LRPAP1: variants seen among roughly 807,000 people sequenced by gnomAD.
LRPAP1 encodes LDL receptor related protein associated protein 1.
LRPAP1 carries 41 observed loss-of-function variants against 39.9 expected under a neutral mutation model. That is an observed-to-expected ratio of 1.03 (90% CI 0.80 to 1.33). The LOEUF is 1.33. Ranked by LOEUF, LRPAP1 falls within the 40% of genes most tolerant of loss-of-function variation. The pLI, the probability that LRPAP1 is intolerant of heterozygous loss-of-function variation, is 0.00. For missense variants in LRPAP1, 565 were observed against 482.3 expected (o/e 1.17, Z -1.61); for synonymous variants, 263 against 212.7 (o/e 1.24, Z -2.06).
At chr4:3,528,742 C>T (rs961418455) in intron 1 of LRPAP1, among the ~76,000 whole-genome samples, 37 of 152,200 alleles carry the variant, frequency 2.4e-4, no homozygotes, top group African/African-American at 8.7e-4. Flanking sequence ...CCCAGCCCAG[C>T]CACTGTGCCC....
intron 5 of LRPAP1, chr4:3,517,631 T>C: frequency 6.2e-6 from 1 of 161,660 alleles, no homozygotes; most frequent in Admixed American, 6.4e-5. Context: ...GCGGGCGTCC[T>C]GCCCCTGCCG....
At chr4:3,520,805 T>C (rs1359392398) in intron 2 of LRPAP1, among the ~76,000 whole-genome samples, 1 of 152,228 alleles carries the variant, frequency 6.6e-6, no homozygotes, top group Non-Finnish European at 1.5e-5. Context: ...TAGTCTGCAG[T>C]GTGCTGTGGC....
At chr4:3,530,208 A>T (rs1730207119) in intron 1 of LRPAP1, among the ~76,000 whole-genome samples, 1 of 152,156 alleles carries the variant, frequency 6.6e-6, no homozygotes, top group Admixed American at 6.5e-5. Context: ...GCCACAGCAC[A>T]AAGACCACCC....
chr4:3,519,144 A>C (rs904910478), intron 3 of LRPAP1, among the ~76,000 whole-genome samples, 153 bp from the exon 4 acceptor site: 1 of 152,204 alleles, frequency 6.6e-6, no homozygotes, highest in Non-Finnish European at 1.5e-5. Flanking sequence ...AAAACAAAAA[A>C]CAAACCGGAG....
At position 3,518,120 on chromosome 4, in the gene LRPAP1, G is replaced by A. The variant is rs142076491; in HGVS notation, c.665C>T (p.Thr222Met). 27 of 1,613,474 alleles carry A rather than the reference G, an allele frequency of 1.7e-5. No homozygotes were observed. The highest frequency in any genetic ancestry group is 5.0e-5 in the Admixed American group (3 of 59,996). Residue 222 changes from threonine to methionine, a missense_variant, in exon 5 of 8, where the codon ACG becomes ATG. Thr to Met is a moderately conservative substitution (Grantham distance 81). Transcript: ENST00000650182. The stretch of plus-strand genomic sequence containing the variant: ...GCTGCGCAGCTTCTCCTTCAGCTCC[G>A]TGTGCCTGCTGTGCAGGACGCTGCC... ...IKGSVLHSRH[T>M]ELKEKLRSIN...
intron 3 of LRPAP1, 137 bp downstream of exon 3, chr4:3,519,935 T>A: frequency 3.5e-5 from 34 of 977,080 alleles, no homozygotes; most frequent in Non-Finnish European, 4.8e-5. Flanking sequence ...ATGGCTTCCT[T>A]AGGAAGCCAC....
At chr4:3,516,045 C>A in intron 6 of LRPAP1, 71 bp downstream of exon 6, 2 of 1,442,010 alleles carry the variant, frequency 1.4e-6, no homozygotes. Flanking sequence ...GGCTGCATTT[C>A]CTTACCCGGA....
At position 3,513,914 on chromosome 4, in the gene LRPAP1, G is replaced by A. The variant is rs185636451; in HGVS notation, c.1011+838C>T. ...CTCACCGAAGGTCCCTTCTCTCAGC[G>A]GCCCTGACCTCTGCCCCAACGGTGC... On this transcript the variant is annotated intron_variant, in intron 7 of 7. Coordinates refer to ENST00000650182, the MANE Select transcript of LRPAP1 (RefSeq NM_002337.4). Among the ~76,000 whole-genome samples the A allele has an allele frequency of 6.8e-3, 1,031 of 152,374 alleles. 36 individuals are homozygous for A. Among genetic ancestry groups the A allele is most frequent in the Admixed American group, 0.056 (856 of 15,314 alleles).
chr4:3,522,685 GGGGAGGACA>G (rs1729953543), intron 2 of LRPAP1, among the ~76,000 whole-genome samples: 1 of 114,904 alleles, frequency 8.7e-6, no homozygotes, highest in Non-Finnish European at 2.0e-5. Context: ...CCCCCTGCCT[GGGGAGGACA>G]GACGCCGCCC....
intron 4 of LRPAP1, among the ~76,000 whole-genome samples, chr4:3,518,518 G>C (rs760486116): frequency 6.6e-6 from 1 of 152,178 alleles, no homozygotes; most frequent in Non-Finnish European, 1.5e-5. Flanking sequence ...CCAGCTTTGT[G>C]GGGTGGGAAA....
At chr4:3,517,904 C>A (rs540539142) in intron 5 of LRPAP1, 130 bp downstream of exon 5, 5 of 1,166,086 alleles carry the variant, frequency 4.3e-6, no homozygotes, top group Admixed American at 5.4e-5. Context: ...GTAGACTGAG[C>A]GCGCCGAGGG....
Position 3,515,782 on chromosome 4 carries a change from C to T in LRPAP1, c.834+334G>A, listed in dbSNP as rs201674221. The T allele has an allele frequency of 1.3e-3, 504 of 373,830 alleles. 2 individuals carry two copies. Among genetic ancestry groups the T allele is most frequent in the African/African-American group, 8.6e-3 (414 of 47,908 alleles). The allele number at this position is 373,830 out of a possible 1,614,324, so 23.2% of individuals were successfully genotyped here. A position where few individuals can be genotyped will look rare whatever the true frequency, so the allele number is the denominator to read the frequency against. ...AAGTGGTGACACCCCTAAACGATCC[C>T]GGTAGTGTCCTTGGTCCCCTCCCCC... On this transcript the variant is annotated intron_variant, in intron 6 of 7. Coordinates refer to ENST00000650182, the MANE Select transcript of LRPAP1 (RefSeq NM_002337.4).
chr4:3,521,317 T>C (rs566214483), intron 2 of LRPAP1, among the ~76,000 whole-genome samples: 2 of 152,230 alleles, frequency 1.3e-5, no homozygotes, highest in African/African-American at 4.8e-5. Context: ...CGCCTCACAC[T>C]TCCCCTCACC....
At chr4:3,513,493 G>C (rs745883739) in intron 7 of LRPAP1, among the ~76,000 whole-genome samples, 9 of 152,158 alleles carry the variant, frequency 5.9e-5, no homozygotes, top group Non-Finnish European at 1.3e-4. Flanking sequence ...ACTTTTGGTA[G>C]AGATGGGGTT....
At chr4:3,523,589 C>T (rs372013554) in intron 2 of LRPAP1, among the ~76,000 whole-genome samples, 19 of 152,208 alleles carry the variant, frequency 1.2e-4, no homozygotes, top group Non-Finnish European at 1.9e-4. Context: ...CTGCACTACT[C>T]GGCTCTGCAA....
intron 5 of LRPAP1, among the ~76,000 whole-genome samples, chr4:3,516,489 A>AGCCC (rs1805168): frequency 0.35 from 49,239 of 141,450 alleles, 8,375 homozygotes; most frequent in South Asian, 0.53. Context: ...GAAGCGCCAC[A>AGCCC]GCCCGCCCTG....
At chr4:3,527,980 G>C (rs189127775) in intron 1 of LRPAP1, among the ~76,000 whole-genome samples, 1 of 152,146 alleles carries the variant, frequency 6.6e-6, no homozygotes, top group Non-Finnish European at 1.5e-5. Flanking sequence ...ATTTCACACC[G>C]CATGTCTCAC....
rs377176105 is a variant in LRPAP1, at chr4:3,516,213, C to G, written c.752-15G>C. 2.1e-5 allele frequency: 32 copies of G among 1,557,304 alleles called. No homozygotes were observed. The highest frequency in any genetic ancestry group is 1.7e-4 in the Middle Eastern group (1 of 6,018). On this transcript the variant is annotated splice_polypyrimidine_tract_variant and intron_variant, in intron 5 of 7. Coordinates refer to ENST00000650182, the MANE Select transcript of LRPAP1 (RefSeq NM_002337.4). ...CTCCTCGAACTCTGCAGGGGAGGAG[C>G]AAGAGTGGCCTCAGCAGCACCCGGG...
chr4:3,531,894 G>T, intron 1 of LRPAP1: 1 of 450,148 alleles, frequency 2.2e-6, no homozygotes, highest in Non-Finnish European at 4.0e-6. Flanking sequence ...GGAGACCTGT[G>T]ATCTAGCCTG....
Sources: gnomAD v4.1 joint callset for allele counts (sites outside exome capture counted in the v4.1 genomes callset) on GRCh38, gnomAD v4.1.1 for gene constraint, MANE v1.5 for transcripts, NCBI Gene and HGNC (gene_info 2026-07-23, HGNC 2026-07-21) for gene names.